PCSK2: variants seen among roughly 807,000 people sequenced by gnomAD.
The protein encoded by PCSK2 is proprotein convertase subtilisin/kexin type 2.
A neutral mutation model predicts 69.7 loss-of-function variants in PCSK2; 14 were observed. That is an observed-to-expected ratio of 0.20 (90% CI 0.13 to 0.31). The LOEUF is 0.31. Among genes scored for constraint, PCSK2 ranks in the 10% least tolerant of loss-of-function variants. The pLI is 1.00. For synonymous variants in PCSK2, 307 were observed against 320.7 expected (o/e 0.96, Z 0.46); for missense variants, 544 against 842.5 (o/e 0.65, Z 4.39).
intron 7 of PCSK2, among the ~76,000 whole-genome samples, chr20:17,436,410 C>A (rs1243251818): frequency 1.3e-5 from 2 of 152,230 alleles, no homozygotes; most frequent in East Asian, 3.8e-4. Context: ...TAGAAACGAG[C>A]TTATCAAAGC....
At chr20:17,257,188 T>C (rs374186707) in intron 1 of PCSK2, among the ~76,000 whole-genome samples, 3 of 152,152 alleles carry the variant, frequency 2.0e-5, no homozygotes, top group East Asian at 3.9e-4. Context: ...CCACCACTGG[T>C]CATTAGAGAA....
chr20:17,437,139 G>A (rs779245250), intron 8 of PCSK2, among the ~76,000 whole-genome samples: 11 of 19,564 alleles, frequency 5.6e-4, no homozygotes, highest in African/African-American at 1.1e-3. Flanking sequence ...GAAGGGGCCG[G>A]GGGGGGGAGG....
chr20:17,374,533 G>C (rs779634603), intron 5 of PCSK2, among the ~76,000 whole-genome samples: 1 of 152,162 alleles, frequency 6.6e-6, no homozygotes, highest in Non-Finnish European at 1.5e-5. Context: ...GAGCCTTCTT[G>C]CTGTGTGCTG....
chr20:17,281,403 G>A (rs975088396), intron 2 of PCSK2, among the ~76,000 whole-genome samples: 6 of 152,096 alleles, frequency 3.9e-5, no homozygotes, highest in Non-Finnish European at 5.9e-5. Context: ...AGCAAACCTC[G>A]GTAAAGACTA....
chr20:17,481,514 C>T, intron 11 of PCSK2, 70 bp from the exon 12 acceptor site: 1 of 1,466,808 alleles, frequency 6.8e-7, no homozygotes, highest in Non-Finnish European at 9.3e-7. Context: ...CCACCTGAAG[C>T]TGCCCTCAAA....
intron 1 of PCSK2, among the ~76,000 whole-genome samples, chr20:17,247,277 A>G (rs1986806203): frequency 6.6e-6 from 1 of 152,206 alleles, no homozygotes; most frequent in Non-Finnish European, 1.5e-5. Flanking sequence ...TGAAGGAAAT[A>G]AAGAACGGTC....
chr20:17,457,650 T>C (rs1193608827), intron 10 of PCSK2, among the ~76,000 whole-genome samples: 1 of 152,190 alleles, frequency 6.6e-6, no homozygotes, highest in Non-Finnish European at 1.5e-5. Context: ...AATTTACTCA[T>C]ATCCAATGTA....
intron 2 of PCSK2, among the ~76,000 whole-genome samples, chr20:17,303,507 ATT>A (rs1389391894): frequency 2.4e-5 from 1 of 40,926 alleles, no homozygotes; most frequent in Non-Finnish European, 4.5e-5. Context: ...TATAATATAT[ATT>A]ATATATAATA....
chr20:17,479,265 G>A (rs1568667393), intron 11 of PCSK2: 3 of 1,097,562 alleles, frequency 2.7e-6, no homozygotes, highest in Admixed American at 3.4e-5. Context: ...TCCCAGCTTA[G>A]GCAGATGTGT....
At chr20:17,382,887 G>A (rs112054103) in intron 5 of PCSK2, among the ~76,000 whole-genome samples, 1 of 152,092 alleles carries the variant, frequency 6.6e-6, no homozygotes, top group Non-Finnish European at 1.5e-5. Context: ...CTAATTAAAG[G>A]CTTGGAAGAC....
chr20:17,436,318 A>G (rs1042910356), intron 7 of PCSK2, among the ~76,000 whole-genome samples: 1 of 151,582 alleles, frequency 6.6e-6, no homozygotes, highest in African/African-American at 2.4e-5. Context: ...TGCCTCCCCC[A>G]TCTATCATAT....
chr20:17,429,394 G>C (rs745500971), intron 6 of PCSK2, 41 bp from the exon 7 acceptor site: 1 of 1,486,078 alleles, frequency 6.7e-7, no homozygotes, highest in Non-Finnish European at 9.4e-7. Flanking sequence ...AGCCAAATTC[G>C]TTTCACTGCA....
chr20:17,338,351 C>A (rs1008242181), intron 2 of PCSK2, among the ~76,000 whole-genome samples: 2 of 152,084 alleles, frequency 1.3e-5, no homozygotes, highest in African/African-American at 4.8e-5. Context: ...TGGGCACCAC[C>A]AAGCCTGTCT....
chr20:17,422,613 G>C (rs751857425), intron 6 of PCSK2, among the ~76,000 whole-genome samples: 1 of 151,450 alleles, frequency 6.6e-6, no homozygotes, highest in Non-Finnish European at 1.5e-5. Flanking sequence ...GACAAGTAAG[G>C]AGGAGGAAAA....
chr20:17,395,804 TC>T (rs2031497266), intron 5 of PCSK2, among the ~76,000 whole-genome samples: 1 of 152,178 alleles, frequency 6.6e-6, no homozygotes, highest in Admixed American at 6.5e-5. Context: ...AAGTTTCCAA[TC>T]AATGATATTT....
chr20:17,476,588 T>TTA (rs762257027), intron 11 of PCSK2, among the ~76,000 whole-genome samples: 67 of 152,288 alleles, frequency 4.4e-4, no homozygotes, highest in Non-Finnish European at 8.7e-4. Flanking sequence ...TATAGACACG[T>TTA]TATATATATG....
intron 2 of PCSK2, among the ~76,000 whole-genome samples, chr20:17,267,655 A>C (rs955083896): frequency 1.1e-4 from 17 of 151,998 alleles, no homozygotes; most frequent in Admixed American, 2.0e-4. Context: ...TTTTTTCTAG[A>C]TGCTGTTTTT....
At chr20:17,334,047 A>T (rs1990282103) in intron 2 of PCSK2, among the ~76,000 whole-genome samples, 1 of 151,610 alleles carries the variant, frequency 6.6e-6, no homozygotes, top group Admixed American at 6.6e-5. Context: ...GAAAGGTTAA[A>T]TAACTTGCCC....
rs530647911 is a variant in PCSK2 at position 17,402,899 on chromosome 20, GTGAGCCAAGATCACGCCAC to G, written c.544-6361_544-6343del. ...ATGAACCTGGGAGGCGGAGCTTGCAGTGAGCCAAGATCACGCCACTGCACTCCAGCCTGGGCGACAGAGC... is the reference window on the plus strand; with the variant it reads ...ATGAACCTGGGAGGCGGAGCTTGCAGTGCACTCCAGCCTGGGCGACAGAGC... On this transcript the variant is annotated intron_variant, in intron 5 of 11. Coordinates refer to ENST00000262545, the MANE Select transcript of PCSK2 (RefSeq NM_002594.5). Among the ~76,000 whole-genome samples, 645 of 152,144 alleles carry G rather than the reference GTGAGCCAAGATCACGCCAC, an allele frequency of 4.2e-3. 7 individuals are homozygous for G. Among genetic ancestry groups the G allele is most frequent in the Non-Finnish European group, 7.6e-3 (519 of 67,990 alleles).
Sources: allele counts gnomAD v4.1 joint callset (sites outside exome capture counted in the v4.1 genomes callset), GRCh38; gene constraint gnomAD v4.1.1; transcripts MANE v1.5; gene names NCBI Gene and HGNC (gene_info 2026-07-23, HGNC 2026-07-21).